Variants in ASH1L observed in about 807,000 individuals in gnomAD.
ASH1L encodes the protein ASH1 like histone lysine methyltransferase.
A neutral mutation model predicts 269.0 loss-of-function variants in ASH1L; 23 were observed. That is an observed-to-expected ratio of 0.09 (90% CI 0.06 to 0.12). The LOEUF is 0.12. Ranked by LOEUF, ASH1L falls within the 10% of genes least tolerant of loss-of-function variation. The pLI, the probability that ASH1L is intolerant of heterozygous loss-of-function variation, is 1.00. For missense variants in ASH1L, 2,912 were observed against 3,567.8 expected (o/e 0.82, Z 4.68); for synonymous variants, 1,187 against 1,253.5 (o/e 0.95, Z 1.12).
At chr1:155,493,277 C>A (rs951531980) in intron 2 of ASH1L, among the ~76,000 whole-genome samples, 4 of 152,112 alleles carry the variant, frequency 2.6e-5, no homozygotes, top group African/African-American at 7.2e-5. Context: ...TTTTAAAAAA[C>A]CTCACATGGC....
intron 4 of ASH1L, among the ~76,000 whole-genome samples, chr1:155,439,632 C>T (rs749677573): frequency 6.6e-6 from 1 of 152,000 alleles, no homozygotes; most frequent in Admixed American, 6.6e-5. Flanking sequence ...CCTGGGAGGT[C>T]GAGGCTGCAG....
At chr1:155,444,522 C>A (rs1392061893) in intron 4 of ASH1L, among the ~76,000 whole-genome samples, 2 of 152,120 alleles carry the variant, frequency 1.3e-5, no homozygotes, top group African/African-American at 4.8e-5. Flanking sequence ...CATATGCATT[C>A]TTTTGAGAAA....
At chr1:155,489,113 A>T (rs1043933145) in intron 2 of ASH1L, among the ~76,000 whole-genome samples, 16 of 152,198 alleles carry the variant, frequency 1.1e-4, no homozygotes, top group Non-Finnish European at 1.9e-4. Flanking sequence ...ACAGTTTCAC[A>T]ATAGTTCATA....
chr1:155,518,628 T>C (rs1668653283), intron 2 of ASH1L, among the ~76,000 whole-genome samples: 1 of 142,742 alleles, frequency 7.0e-6, no homozygotes, highest in African/African-American at 2.6e-5. Flanking sequence ...TTCAACATCA[T>C]TAGTTGTTAA....
At chr1:155,437,814 A>G (rs1430091783) in intron 5 of ASH1L, among the ~76,000 whole-genome samples, 1 of 152,140 alleles carries the variant, frequency 6.6e-6, no homozygotes. Context: ...TTTGTCTGTA[A>G]AGTGAGTGGG....
rs902378025 is a variant in ASH1L at position 155,459,918 on chromosome 1, T to C, written c.4985-20A>G. 3.2e-6 allele frequency: 5 copies of C among 1,539,996 alleles called. No individual in the cohort carries two copies. Among genetic ancestry groups the C allele is most frequent in the South Asian group, 1.2e-5 (1 of 82,986 alleles). ...GGGAGCCTGGAGAAAGAGAAAAAGA[T>C]AGAAATCATAGGAAAATTCAACTTT... On this transcript the variant is annotated intron_variant, in intron 3 of 27. Coordinates refer to ENST00000392403, the MANE Select transcript of ASH1L (RefSeq NM_018489.3).
At chr1:155,395,884 A>G (rs1658302681) in intron 6 of ASH1L, 1 of 183,242 alleles carries the variant, frequency 5.5e-6, no homozygotes, top group South Asian at 1.9e-4. Context: ...TTTCTCCAAC[A>G]GTTTTGGAGA....
intron 25 of ASH1L, 35 bp downstream of exon 25, chr1:155,341,901 C>A: frequency 6.2e-7 from 1 of 1,603,940 alleles, no homozygotes. Flanking sequence ...CCAGATTGTC[C>A]TAACATGTAG....
intron 1 of ASH1L, among the ~76,000 whole-genome samples, chr1:155,553,046 T>C (rs1428030308): frequency 6.6e-6 from 1 of 152,168 alleles, no homozygotes; most frequent in Admixed American, 6.6e-5. Context: ...TGTAAGTATT[T>C]TGCTCAAAAT....
chr1:155,558,326 C>A (rs1419764300), intron 1 of ASH1L, among the ~76,000 whole-genome samples: 4 of 152,024 alleles, frequency 2.6e-5, no homozygotes, highest in African/African-American at 9.7e-5. Context: ...TAAAAAATAG[C>A]CGGGCGTGGT....
chr1:155,372,296 T>G (rs1656027449), intron 10 of ASH1L, among the ~76,000 whole-genome samples: 2 of 149,848 alleles, frequency 1.3e-5, no homozygotes, highest in South Asian at 2.1e-4. Context: ...CCAGCCAGTT[T>G]TTTTTTTTTT....
chr1:155,558,053 C>T lies in ASH1L; in HGVS notation c.-100+4100G>A, dbSNP rs561674145. Among the ~76,000 whole-genome samples, 136 of 152,328 alleles carry T rather than the reference C, an allele frequency of 8.9e-4. 1 individual carries two copies. Among genetic ancestry groups the T allele is most frequent in the Admixed American group, 8.8e-3 (135 of 15,300 alleles). ...GTAAGACTTCTCCACTGTGTGCTTC[C>T]ACATTGTCTTGGGCAGAAATGAAGG... On this transcript the variant is annotated intron_variant, in intron 1 of 27. Transcript: ENST00000392403.
chr1:155,432,131 C>T (rs899892402), intron 5 of ASH1L, among the ~76,000 whole-genome samples: 1 of 152,078 alleles, frequency 6.6e-6, no homozygotes, highest in Non-Finnish European at 1.5e-5. Context: ...ATCCCTACAA[C>T]CTCTATCTGT....
intron 2 of ASH1L, among the ~76,000 whole-genome samples, chr1:155,514,173 G>T (rs904715660): frequency 6.6e-6 from 1 of 152,170 alleles, no homozygotes; most frequent in Admixed American, 6.6e-5. Flanking sequence ...TAGAGTGTCA[G>T]CTGGAAAATG....
chr1:155,450,097 A>G (rs1321730371), intron 4 of ASH1L, among the ~76,000 whole-genome samples: 1 of 152,142 alleles, frequency 6.6e-6, no homozygotes, highest in African/African-American at 2.4e-5. Context: ...ACATCATTCC[A>G]TTGTGTTTTG....
intron 3 of ASH1L, among the ~76,000 whole-genome samples, chr1:155,469,711 T>G (rs377583498): frequency 1.3e-5 from 2 of 152,342 alleles, no homozygotes; most frequent in South Asian, 4.1e-4. Flanking sequence ...CTTAATCACA[T>G]CATCTCTACC....
chr1:155,501,537 A>G (rs1558171292), intron 2 of ASH1L, among the ~76,000 whole-genome samples: 2 of 151,930 alleles, frequency 1.3e-5, no homozygotes, highest in Admixed American at 6.6e-5. Context: ...TTCCTGGCTA[A>G]TTTTTATATT....
chr1:155,370,635 C>T lies in ASH1L; in HGVS notation c.6555G>A (p.Glu2185=). The T allele has an allele frequency of 1.9e-6, 3 of 1,614,152 alleles. No homozygotes were observed. The highest frequency in any genetic ancestry group is 2.7e-5 in the African/African-American group (2 of 75,036). The part of the protein sequence containing the change: ...SEQEFRNRMI[E]QYHNHSDHYC... ...AGTGGTCACTGTGATTATGATACTGCTCAATCATCCTGTTCCTAAAGAGAA... is the reference window on the plus strand; with the variant it reads ...AGTGGTCACTGTGATTATGATACTGTTCAATCATCCTGTTCCTAAAGAGAA... The change falls in exon 12 of 28, where the codon GAG becomes GAA. Residue 2185 remains glutamate (E), a synonymous_variant. Transcript: ENST00000392403.
chr1:155,472,439 C>T (rs1570916389), intron 3 of ASH1L, among the ~76,000 whole-genome samples: 1 of 152,176 alleles, frequency 6.6e-6, no homozygotes, highest in Admixed American at 6.6e-5. Context: ...TGTAACTGTC[C>T]TCTTGGGTAA....
Sources: allele counts gnomAD v4.1 joint callset (sites outside exome capture counted in the v4.1 genomes callset), GRCh38; gene constraint gnomAD v4.1.1; transcripts MANE v1.5; gene names NCBI Gene and HGNC (gene_info 2026-07-23, HGNC 2026-07-21).